CREB3L1: variants seen among roughly 807,000 people sequenced by gnomAD.
CREB3L1 encodes cyclic AMP-responsive element-binding protein 3-like protein 1.
CREB3L1 carries 33 observed loss-of-function variants against 54.5 expected under a neutral mutation model. The observed-to-expected ratio is 0.61, with a 90% CI of 0.46 to 0.81. The LOEUF (loss-of-function observed/expected upper bound fraction) is 0.81, where lower values mean the gene tolerates loss of function less well. CREB3L1 is among the 30% of genes least tolerant of loss of function. CREB3L1 has a pLI of 0.00. For missense variants in CREB3L1, 656 were observed against 673.3 expected (o/e 0.97, Z 0.29); for synonymous variants, 284 against 286.4 (o/e 0.99, Z 0.08).
chr11:46,308,619 C>T (rs1939438301), intron 3 of CREB3L1, among the ~76,000 whole-genome samples: 1 of 152,228 alleles, frequency 6.6e-6, no homozygotes, highest in Non-Finnish European at 1.5e-5. Flanking sequence ...CATCCTCCTT[C>T]TCTGTAAAAG....
intron 1 of CREB3L1, among the ~76,000 whole-genome samples, chr11:46,285,677 A>C (rs1939044936): frequency 6.6e-6 from 1 of 152,088 alleles, no homozygotes; most frequent in Non-Finnish European, 1.5e-5. Flanking sequence ...CCTGGGACAG[A>C]GCCTTCACTG....
At chr11:46,282,395 G>A (rs997731859) in intron 1 of CREB3L1, among the ~76,000 whole-genome samples, 1 of 152,206 alleles carries the variant, frequency 6.6e-6, no homozygotes. Flanking sequence ...ACCCACAGGG[G>A]ATTTGAACTT....
Position 46,310,520 on chromosome 11 carries a change from A to C in CREB3L1, c.595+453A>C, listed in dbSNP as rs542787988. On this transcript the variant is annotated intron_variant, in intron 4 of 11. Transcript: ENST00000621158. ...CTGACTCAGGGGATCCACCTGTCTC[A>C]GCCTCCCAAAGTGCTGTGATTACAG... 3.3e-5 allele frequency among the ~76,000 whole-genome samples: 5 copies of C among 152,056 alleles called. No homozygotes were observed. The South Asian group carries it at 1.0e-3, about 32-fold the overall frequency.
At position 46,278,600 on chromosome 11, in the gene CREB3L1, A is replaced by G. The variant is rs1295716865; in HGVS notation, c.102+387A>G. On this transcript the variant is annotated intron_variant, in intron 1 of 11. Coordinates refer to ENST00000621158, the MANE Select transcript of CREB3L1 (RefSeq NM_052854.4). This position sits in a 1 kb window ranked among gnomAD's most constrained non-coding sequence, Gnocchi z 4.2. ...GCCTCCCTTGGGGCTTCGGTGGCTC[A>G]TAGGCTGGATCTCCGCTGGGGGGCG... Among the ~76,000 whole-genome samples, 4 of 152,210 alleles carry G rather than the reference A, an allele frequency of 2.6e-5. No homozygotes were observed. The highest frequency in any genetic ancestry group is 6.5e-5 in the Admixed American group (1 of 15,284).
At chr11:46,312,522 G>A (rs1428682252) in intron 6 of CREB3L1, 48 bp downstream of exon 6, 1 of 1,609,316 alleles carries the variant, frequency 6.2e-7, no homozygotes, top group Admixed American at 1.7e-5. Context: ...TGGTGGGTGG[G>A]CTCCCCTGGC....
At chr11:46,281,691 C>G (rs1304981340) in intron 1 of CREB3L1, among the ~76,000 whole-genome samples, 1 of 152,210 alleles carries the variant, frequency 6.6e-6, no homozygotes, top group East Asian at 1.9e-4. Flanking sequence ...CCTGAGCTAA[C>G]TGGGAAGCAG....
At chr11:46,301,130 T>C (rs1259573637) in intron 2 of CREB3L1, among the ~76,000 whole-genome samples, 1 of 147,554 alleles carries the variant, frequency 6.8e-6, no homozygotes, top group Non-Finnish European at 1.5e-5. Flanking sequence ...CCGTGAGCCA[T>C]TGCACTCCAG....
At chr11:46,285,966 G>A (rs1335234766) in intron 1 of CREB3L1, among the ~76,000 whole-genome samples, 2 of 152,180 alleles carry the variant, frequency 1.3e-5, no homozygotes, top group African/African-American at 4.8e-5. Flanking sequence ...CTTTGCCCAT[G>A]GGTTCCCCTC....
At chr11:46,316,009 C>T (rs929344263) in intron 8 of CREB3L1, 26 of 383,712 alleles carry the variant, frequency 6.8e-5, no homozygotes, top group Middle Eastern at 7.0e-4. Context: ...ATCTGTGCAG[C>T]TGGGGGCAGG....
chr11:46,317,939 C>T (rs947857253), intron 10 of CREB3L1, among the ~76,000 whole-genome samples: 52 of 152,198 alleles, frequency 3.4e-4, no homozygotes, highest in African/African-American at 1.2e-3. Flanking sequence ...GACCCTGGGC[C>T]GGGCGCGGTG....
At chr11:46,314,793 C>T (rs1590351768) in intron 8 of CREB3L1, among the ~76,000 whole-genome samples, 1 of 151,842 alleles carries the variant, frequency 6.6e-6, no homozygotes, top group African/African-American at 2.4e-5. Context: ...CTGCAACCTC[C>T]GCCTCTTGGG....
chr11:46,306,383 A>G (rs1480788221), intron 2 of CREB3L1, among the ~76,000 whole-genome samples: 1 of 152,146 alleles, frequency 6.6e-6, no homozygotes, highest in Non-Finnish European at 1.5e-5. Context: ...ATGCGCCTGT[A>G]GTCCCAGCTA....
intron 3 of CREB3L1, among the ~76,000 whole-genome samples, chr11:46,309,318 C>G (rs927703614): frequency 6.6e-6 from 1 of 152,228 alleles, no homozygotes; most frequent in African/African-American, 2.4e-5. Flanking sequence ...ACGCCTTCCT[C>G]AGACAGAGCA....
intron 1 of CREB3L1, among the ~76,000 whole-genome samples, chr11:46,298,260 A>G (rs1455824044): frequency 6.6e-6 from 1 of 152,068 alleles, no homozygotes; most frequent in African/African-American, 2.4e-5. Context: ...AGGGCCAACA[A>G]CTCCAGACCT....
intron 8 of CREB3L1, chr11:46,316,008 G>A: frequency 7.8e-6 from 3 of 383,144 alleles, no homozygotes; most frequent in South Asian, 4.3e-5. Context: ...CATCTGTGCA[G>A]CTGGGGGCAG....
Position 46,312,913 on chromosome 11 carries a change from C to A in CREB3L1, c.1025C>A (p.Ala342Asp). 2 of 1,583,034 alleles carry A rather than the reference C, an allele frequency of 1.3e-6. No individual in the cohort carries two copies. The highest frequency in any genetic ancestry group is 1.7e-6 in the Non-Finnish European group (2 of 1,164,870). Residue 342 changes from alanine (A) to aspartate (D), a missense_variant, in exon 8 of 12, where the codon GCC becomes GAC. Physicochemically the swap from Ala to Asp is moderately radical, Grantham distance 126 (BLOSUM62 -2). Around this residue, in one of 3 missense-constraint regions of CREB3L1, gnomAD observed 77 missense variants for 122.0 expected, o/e 0.63. Transcript: ENST00000621158. ...LWKKVETLENANRTLLQQLQK... is the reference protein window; with the variant it reads ...LWKKVETLENDNRTLLQQLQK... ...AAGAAGGTGGAGACCCTGGAGAATG[C>A]CAACAGGTGGGTAGTGCCTCCTGCA... is the stretch of plus-strand genomic sequence containing the variant.
intron 1 of CREB3L1, among the ~76,000 whole-genome samples, chr11:46,291,229 C>A (rs1441544255): frequency 6.6e-6 from 1 of 152,208 alleles, no homozygotes; most frequent in East Asian, 1.9e-4. Flanking sequence ...TTACCTTGGG[C>A]TGTGTGACCC....
In CREB3L1 at chr11:46,312,106, G is replaced by A. The variant is rs58395268; in HGVS notation, c.754-219G>A. 0.018 allele frequency among the ~76,000 whole-genome samples: 2,755 copies of A among 152,184 alleles called. 84 individuals are homozygous for A. The highest frequency in any genetic ancestry group is 0.062 in the African/African-American group (2,569 of 41,520). ...GGGATGGGATCCAGGAAGCCCTCCCGAACAATGCACTAAGAGCCTAACACC... is the reference window on the plus strand; with the variant it reads ...GGGATGGGATCCAGGAAGCCCTCCCAAACAATGCACTAAGAGCCTAACACC... On this transcript the variant is annotated intron_variant, in intron 5 of 11. Transcript: ENST00000621158.
chr11:46,291,186 T>C (rs560929641), intron 1 of CREB3L1, among the ~76,000 whole-genome samples: 2 of 152,298 alleles, frequency 1.3e-5, no homozygotes, highest in East Asian at 1.9e-4. Context: ...GGAAGGGAGA[T>C]AGAGACAAAT....
Sources: allele counts gnomAD v4.1 joint callset (sites outside exome capture counted in the v4.1 genomes callset), GRCh38; gene constraint gnomAD v4.1.1; regional missense constraint gnomAD v4.1.1; non-coding constraint Gnocchi (gnomAD v3.1); transcripts MANE v1.5; gene names NCBI Gene and HGNC (gene_info 2026-07-23, HGNC 2026-07-21).